SIRT3: variants seen among roughly 807,000 people sequenced by gnomAD.
The protein encoded by SIRT3 is NAD-dependent protein deacetylase sirtuin-3, mitochondrial.
In SIRT3, 26 loss-of-function variants were observed where a neutral mutation model predicts 33.5. The observed-to-expected ratio is 0.78, with a 90% confidence interval of 0.57 to 1.08. The LOEUF is 1.08. SIRT3 is among the 50% of genes least tolerant of loss of function. The pLI is 0.00. For synonymous variants in SIRT3, 237 were observed against 222.1 expected, an observed-to-expected ratio of 1.07 and a Z score of -0.60; for missense variants, 585 against 530.1, an observed-to-expected ratio of 1.10 and a Z score of -1.02.
intron 1 of SIRT3, 36 bp downstream of exon 1, chr11:236,012 G>T (rs186136966): frequency 2.1e-6 from 3 of 1,431,964 alleles, no homozygotes; most frequent in South Asian, 3.0e-5. Context: ...TGTCGACAAC[G>T]AACACGCAAG....
chr11:228,209 T>G (rs1196449549), intron 4 of SIRT3, among the ~76,000 whole-genome samples: 2 of 152,044 alleles, frequency 1.3e-5, no homozygotes, highest in African/African-American at 4.8e-5. Context: ...TGACTCCACC[T>G]TATTTTAATT....
chr11:235,976 G>C (rs998295362), intron 1 of SIRT3, 72 bp downstream of exon 1: 6 of 1,392,206 alleles, frequency 4.3e-6, no homozygotes, highest in South Asian at 3.1e-5. Flanking sequence ...AAGGAAACAC[G>C]GCAAGGTGAG....
intron 5 of SIRT3, among the ~76,000 whole-genome samples, chr11:221,479 C>T (rs1247928959): frequency 6.6e-6 from 1 of 152,174 alleles, no homozygotes; most frequent in Non-Finnish European, 1.5e-5. Flanking sequence ...AAATTGCTTA[C>T]ATAAATTTTG....
In SIRT3 at chr11:216,669, C is replaced by T. The variant is rs1468682782; in HGVS notation, c.*29G>A. ...TGGGATGTGGATGTCTCCTATGTTA[C>T]CATTTATTGTGTGGGGGCAGCCATC... On this transcript the variant is annotated 3_prime_UTR_variant, in exon 7 of 7. Coordinates refer to ENST00000382743, the MANE Select transcript of SIRT3 (RefSeq NM_012239.6). The T allele has an allele frequency of 1.2e-6, 2 of 1,613,504 alleles. No individual in the cohort carries two copies. The highest frequency in any genetic ancestry group is 1.7e-6 in the Non-Finnish European group (2 of 1,179,634).
At chr11:235,316 T>C (rs183460361) in intron 1 of SIRT3, among the ~76,000 whole-genome samples, 100 of 151,322 alleles carry the variant, frequency 6.6e-4, no homozygotes, top group Admixed American at 2.0e-3. Flanking sequence ...AGGGATCCTC[T>C]TGCCTTAGTC....
intron 4 of SIRT3, among the ~76,000 whole-genome samples, chr11:227,117 G>A (rs534566247): frequency 2.0e-4 from 31 of 151,574 alleles, no homozygotes; most frequent in Non-Finnish European, 2.8e-4. Flanking sequence ...TGGAGAAACC[G>A]CAAAACTCCA....
intron 5 of SIRT3, among the ~76,000 whole-genome samples, chr11:220,389 A>G (rs530914610): frequency 6.6e-6 from 1 of 150,504 alleles, no homozygotes; most frequent in African/African-American, 2.4e-5. Context: ...TAATTATATT[A>G]TTTAATTTAT....
chr11:218,824 G>C lies in SIRT3; in HGVS notation c.1179+8C>G. The C allele has an allele frequency of 6.2e-7, 1 of 1,614,174 alleles. No individual in the cohort carries two copies. The highest frequency in any genetic ancestry group is 8.5e-7 in the Non-Finnish European group (1 of 1,180,028). Reference sequence around the variant, plus strand: ...GCCCCTTGGATGGTCCTCCTCAGCAGTCTGTACCTTCCCAGTTTCCCGCTG... The same window carrying C: ...GCCCCTTGGATGGTCCTCCTCAGCACTCTGTACCTTCCCAGTTTCCCGCTG... On this transcript the variant is annotated splice_region_variant and intron_variant, in intron 6 of 6. Coordinates refer to ENST00000382743, the MANE Select transcript of SIRT3 (RefSeq NM_012239.6).
chr11:227,102 C>A (rs1027201284), intron 4 of SIRT3, among the ~76,000 whole-genome samples: 1 of 151,754 alleles, frequency 6.6e-6, no homozygotes, highest in East Asian at 1.9e-4. Context: ...TATGGAAAAC[C>A]ACAGTGGAGA....
Position 216,541 on chromosome 11 carries a change from G to T in SIRT3, c.*157C>A. ...AGCCCTACCAGTCACTGCAGCTCAT[G>T]GCCTGAGAAGACATTCCAGTGGCAG... On this transcript the variant is annotated 3_prime_UTR_variant, in exon 7 of 7. Coordinates refer to ENST00000382743, the MANE Select transcript of SIRT3 (RefSeq NM_012239.6). The T allele has an allele frequency of 2.6e-6, 2 of 775,948 alleles. No individual in the cohort carries two copies. The highest frequency in any genetic ancestry group is 2.0e-5 in the Admixed American group (1 of 49,708). The allele number at this position is 775,948 out of a possible 1,614,324, so 48.1% of individuals were successfully genotyped here.
intron 4 of SIRT3, among the ~76,000 whole-genome samples, chr11:224,697 A>G (rs1856920634): frequency 6.6e-6 from 1 of 152,180 alleles, no homozygotes; most frequent in African/African-American, 2.4e-5. Flanking sequence ...CCATTGCCTC[A>G]GCCCTGGGAG....
Position 233,118 on chromosome 11 carries a change from G to C in SIRT3, c.571C>G (p.Pro191Ala), listed in dbSNP as rs201276555. The C allele has an allele frequency of 2.7e-5, 43 of 1,614,034 alleles. No homozygotes were observed. The highest frequency in any genetic ancestry group is 3.5e-5 in the Non-Finnish European group (41 of 1,180,040). The stretch of plus-strand genomic sequence containing the variant: ...AGCTCCTTGGCCAAAGTGAAAAAGG[G>C]CTTGGGGTTGTGAAAGAAGAATGGG... ...ELPFFFHNPK[P>A]FFTLAKELYP... The change falls in exon 3 of 7, where the codon CCC (proline) becomes GCC (alanine). Residue 191 changes from proline (P) to alanine (A), a missense_variant. By Grantham distance (27) the Pro-to-Ala change is conservative. Transcript: ENST00000382743.
intron 5 of SIRT3, among the ~76,000 whole-genome samples, chr11:221,574 T>A (rs918462290): frequency 6.6e-6 from 1 of 152,244 alleles, no homozygotes; most frequent in Non-Finnish European, 1.5e-5. Context: ...ATCATATGGT[T>A]TACATCCCAC....
At chr11:216,789 A>G in intron 6 of SIRT3, 71 bp from the exon 7 acceptor site, 1 of 1,513,872 alleles carries the variant, frequency 6.6e-7, no homozygotes, top group East Asian at 2.3e-5. Context: ...ATCTCTGTTC[A>G]AACAGCTCTA....
Position 230,494 on chromosome 11 carries a change from G to A in SIRT3, c.765C>T (p.Thr255=), listed in dbSNP as rs1284623035. 2 of 1,540,552 alleles carry A rather than the reference G, an allele frequency of 1.3e-6. No individual in the cohort carries two copies. Reference sequence around the variant, plus strand: ...GGAAGGGTCTTTGGCAGACTGTGCAGGTGGCAGAGGCAAAGGTTCCATGAG... The same window carrying A: ...GGAAGGGTCTTTGGCAGACTGTGCAAGTGGCAGAGGCAAAGGTTCCATGAG... ...VEAHGTFASA[T]CTVCQRPFPG... The change falls in exon 4 of 7, where the codon ACC becomes ACT. Residue 255 remains threonine (T), a synonymous_variant. Transcript: ENST00000382743.
At chr11:236,386 GCCTCCGCCTCCCACCCCCGCCCC>G (rs1314020594), upstream of SIRT3, 1,288 of 1,106,756 alleles carry the variant, frequency 1.2e-3, 46 homozygotes, top group East Asian at 2.0e-3. Context: ...CCCCGGCCCC[GCCTCCGCCTCCCACCCCCGCCCC>G]CGGCGCCCCA....
intron 5 of SIRT3, among the ~76,000 whole-genome samples, chr11:221,111 G>A (rs1856389445): frequency 6.6e-6 from 1 of 152,244 alleles, no homozygotes; most frequent in African/African-American, 2.4e-5. Context: ...GAGTAGATAA[G>A]GATGATACAC....
At chr11:219,178 C>T (rs1856072200) in intron 5 of SIRT3, 137 bp from the exon 6 acceptor site, 3 of 1,118,092 alleles carry the variant, frequency 2.7e-6, no homozygotes, top group South Asian at 1.6e-5. Flanking sequence ...AAACCCACCA[C>T]CAATCTCATT....
intron 4 of SIRT3, among the ~76,000 whole-genome samples, chr11:229,114 G>A (rs577424653): frequency 6.6e-6 from 1 of 152,334 alleles, no homozygotes; most frequent in African/African-American, 2.4e-5. Context: ...TTGGTGGAAT[G>A]TAAAATGGTC....
Sources: gnomAD v4.1 joint callset for allele counts (sites outside exome capture counted in the v4.1 genomes callset) on GRCh38, gnomAD v4.1.1 for gene constraint, MANE v1.5 for transcripts, NCBI Gene and HGNC (gene_info 2026-07-23, HGNC 2026-07-21) for gene names.